Variants in DCTN6 observed in about 807,000 individuals in gnomAD.
DCTN6 encodes dynactin subunit 6, also known as dynactin 6.
DCTN6 carries 15 observed loss-of-function variants against 25.8 expected under a neutral mutation model. That is an observed-to-expected ratio of 0.58 (90% confidence interval 0.39 to 0.89). The LOEUF (loss-of-function observed/expected upper bound fraction) is 0.89. DCTN6 is among the 40% of genes least tolerant of loss of function. The probability of loss-of-function intolerance (pLI) is 0.00; values close to 1 mark genes in which losing one functional copy is unlikely to be tolerated. For synonymous variants in DCTN6, 64 were observed against 78.3 expected, an observed-to-expected ratio of 0.82 and a Z score of 0.96; for missense variants, 198 against 237.6, an observed-to-expected ratio of 0.83 and a Z score of 1.09.
chr8:30,177,164 A>T lies in DCTN6; in HGVS notation c.233A>T (p.Glu78Val). Residue 78 changes from glutamate (E) to valine (V), a missense_variant, in exon 4 of 7, where the codon GAA becomes GTA. Transcript: ENST00000221114. ...ATCACTCCTGACACTGAAGATCCAG[A>T]ACCAAAACCTATGATCATTGGCACC... ...DNITPDTEDP[E>V]PKPMIIGTNN... is the part of the protein sequence containing the mutation. 1 of 1,613,868 alleles carries T rather than the reference A, an allele frequency of 6.2e-7. No homozygotes were observed. Among genetic ancestry groups the T allele is most frequent in the Non-Finnish European group, 8.5e-7 (1 of 1,179,876 alleles).
chr8:30,159,677 A>G lies in DCTN6; in HGVS notation c.23+3271A>G, dbSNP rs531568100. On this transcript the variant is annotated intron_variant, in intron 1 of 6. Coordinates refer to ENST00000221114, the MANE Select transcript of DCTN6 (RefSeq NM_006571.4). ...AAATCTACCCCTCCTCCCATAGGCT[A>G]TTCTCAGATGGTGCCATTAGTTTTC... Among the ~76,000 whole-genome samples, 4 of 152,086 alleles carry G rather than the reference A, an allele frequency of 2.6e-5. 1 individual carries two copies. The highest frequency in any genetic ancestry group is 9.6e-5 in the African/African-American group (4 of 41,494).
rs375948562 is a variant in DCTN6 at position 30,161,909 on chromosome 8, G to A, written c.24-2202G>A. On this transcript the variant is annotated intron_variant, in intron 1 of 6. Coordinates refer to ENST00000221114, the MANE Select transcript of DCTN6 (RefSeq NM_006571.4). ...ACTACAGGCGCCCACCACCACGCCC[G>A]GCTAATTTTTTGTATTTTTAGTAGA... Among the ~76,000 whole-genome samples the A allele has an allele frequency of 2.5e-4, 37 of 149,054 alleles. No individual in the cohort carries two copies. The East Asian group carries it at 6.4e-3, about 26-fold the overall frequency.
At chr8:30,165,056 T>A (rs1294329855) in intron 2 of DCTN6, among the ~76,000 whole-genome samples, 6 of 152,218 alleles carry the variant, frequency 3.9e-5, no homozygotes, top group Non-Finnish European at 8.8e-5. Context: ...GAAGAGATAT[T>A]GGATGGCAAT....
intron 2 of DCTN6, among the ~76,000 whole-genome samples, chr8:30,172,523 T>C (rs1166381109): frequency 6.6e-6 from 1 of 152,114 alleles, no homozygotes; most frequent in East Asian, 1.9e-4. Context: ...TGATCTTGGC[T>C]CACGGCACCT....
At chr8:30,161,084 C>T (rs1803587948) in intron 1 of DCTN6, among the ~76,000 whole-genome samples, 2 of 152,060 alleles carry the variant, frequency 1.3e-5, no homozygotes, top group African/African-American at 4.8e-5. Flanking sequence ...ACCCGTAATC[C>T]AAGTGATTGG....
rs372379363 is a variant in DCTN6, at chr8:30,180,530, T to A, written c.374T>A (p.Ile125Asn). 6.2e-7 allele frequency: 1 copy of A among 1,613,890 alleles called. No homozygotes were observed. Among genetic ancestry groups the A allele is most frequent in the Non-Finnish European group, 8.5e-7 (1 of 1,179,958 alleles). Residue 125 changes from isoleucine (I) to asparagine (N), a missense_variant, in exon 6 of 7, where the codon ATT becomes AAT. By Grantham distance (149) the Ile-to-Asn change is moderately radical (BLOSUM62 -3). Coordinates refer to ENST00000221114, the MANE Select transcript of DCTN6 (RefSeq NM_006571.4). ...GTAATATTGACAAGTGGCTGCATCATTGGGGCTTGTTGCAACCTAAATACA... is the reference window on the plus strand; with the variant it reads ...GTAATATTGACAAGTGGCTGCATCAATGGGGCTTGTTGCAACCTAAATACA... ...RNVILTSGCI[I>N]GACCNLNTFE...
chr8:30,164,299 A>G (rs1803636631), intron 2 of DCTN6, 124 bp downstream of exon 2: 1 of 767,924 alleles, frequency 1.3e-6, no homozygotes, highest in South Asian at 1.6e-5. Flanking sequence ...TGACAAAATA[A>G]TGCATTTTCT....
chr8:30,170,537 T>C (rs1419800620), intron 2 of DCTN6, among the ~76,000 whole-genome samples: 1 of 152,154 alleles, frequency 6.6e-6, no homozygotes, highest in Non-Finnish European at 1.5e-5. Context: ...TTATTAATAA[T>C]GATAAAGACA....
intron 3 of DCTN6, 144 bp downstream of exon 3, chr8:30,175,334 T>C (rs1220863275): frequency 1.5e-6 from 1 of 647,306 alleles, no homozygotes; most frequent in Non-Finnish European, 2.6e-6. Context: ...TTTTTCAACA[T>C]AAGTAAATGA....
chr8:30,160,902 C>T (rs189806657), intron 1 of DCTN6, among the ~76,000 whole-genome samples: 1 of 152,186 alleles, frequency 6.6e-6, no homozygotes, highest in Middle Eastern at 3.2e-3. Flanking sequence ...CTACCTTCAA[C>T]GTTGCCTAGA....
intron 2 of DCTN6, among the ~76,000 whole-genome samples, chr8:30,164,588 T>C (rs1803640755): frequency 6.6e-6 from 1 of 152,222 alleles, no homozygotes; most frequent in African/African-American, 2.4e-5. Flanking sequence ...CTGGGTTACT[T>C]TGAACATATT....
chr8:30,163,938 G>A (rs1048065396), intron 1 of DCTN6, among the ~76,000 whole-genome samples, 173 bp from the exon 2 acceptor site: 3 of 152,096 alleles, frequency 2.0e-5, no homozygotes, highest in Non-Finnish European at 2.9e-5. Context: ...CTGACCTCAG[G>A]TGATCCCCCC....
intron 1 of DCTN6, 67 bp from the exon 2 acceptor site, chr8:30,164,044 C>A: frequency 7.4e-7 from 1 of 1,349,840 alleles, no homozygotes; most frequent in Non-Finnish European, 1.1e-6. Context: ...ATTACAATGT[C>A]ACGGTAGCTC....
At chr8:30,162,550 C>A (rs533138360) in intron 1 of DCTN6, among the ~76,000 whole-genome samples, 1 of 152,162 alleles carries the variant, frequency 6.6e-6, no homozygotes, top group African/African-American at 2.4e-5. Flanking sequence ...TAGAAAAATT[C>A]TTTTATTAAT....
rs370946744 is a variant in DCTN6 at position 30,164,047 on chromosome 8, G to A, written c.24-64G>A. On this transcript the variant is annotated intron_variant, in intron 1 of 6. Coordinates refer to ENST00000221114, the MANE Select transcript of DCTN6 (RefSeq NM_006571.4). Reference sequence around the variant, plus strand: ...AACCTTGTTTTCATTACAATGTCACGGTAGCTCCTCCAACAGTATGTTTAA... The same window carrying A: ...AACCTTGTTTTCATTACAATGTCACAGTAGCTCCTCCAACAGTATGTTTAA... 4.4e-5 allele frequency: 60 copies of A among 1,368,118 alleles called. No homozygotes were observed. The South Asian group carries it at 4.8e-4, about 11-fold the overall frequency. 84.7% of individuals were successfully genotyped at this position (1,368,118 alleles called of 1,614,324 possible). A position where few individuals can be genotyped will look rare whatever the true frequency, so the allele number is the denominator to read the frequency against.
At chr8:30,161,808 C>T (rs1290856743) in intron 1 of DCTN6, among the ~76,000 whole-genome samples, 2 of 149,144 alleles carry the variant, frequency 1.3e-5, no homozygotes, top group East Asian at 2.0e-4. Context: ...AGTGCAGTGG[C>T]GTAGTCTTGG....
intron 1 of DCTN6, among the ~76,000 whole-genome samples, chr8:30,157,775 C>T (rs945436105): frequency 5.3e-5 from 8 of 152,128 alleles, no homozygotes; most frequent in African/African-American, 1.9e-4. Context: ...TGAGCTCCCT[C>T]TGCTGACTAT....
chr8:30,158,065 G>C (rs1269147927), intron 1 of DCTN6, among the ~76,000 whole-genome samples: 2 of 152,166 alleles, frequency 1.3e-5, no homozygotes, highest in Admixed American at 6.5e-5. Flanking sequence ...GGTCCTTGCA[G>C]AGATATCGGG....
chr8:30,158,935 C>T (rs1803562334), intron 1 of DCTN6, among the ~76,000 whole-genome samples: 1 of 152,008 alleles, frequency 6.6e-6, no homozygotes, highest in African/African-American at 2.4e-5. Flanking sequence ...GCACCCACCA[C>T]CACACCTGGC....
Sources: gnomAD v4.1 joint callset for allele counts (sites outside exome capture counted in the v4.1 genomes callset) on GRCh38, gnomAD v4.1.1 for gene constraint, MANE v1.5 for transcripts, NCBI Gene and HGNC (gene_info 2026-07-23, HGNC 2026-07-21) for gene names.